Variants in EGF observed in about 807,000 individuals in gnomAD.
The protein encoded by EGF is epidermal growth factor.
EGF carries 95 observed loss-of-function variants against 143.8 expected under a neutral mutation model. That is an observed-to-expected ratio of 0.66 (90% CI 0.56 to 0.78). The LOEUF (loss-of-function observed/expected upper bound fraction) is 0.78, where lower values mean the gene tolerates loss of function less well. Ranked by LOEUF, EGF falls within the 30% of genes least tolerant of loss-of-function variation. EGF has a pLI of 0.00. For synonymous variants in EGF, 510 were observed against 510.5 expected, an observed-to-expected ratio of 1.00 and a Z score of 0.01; for missense variants, 1,320 against 1,470.9, an observed-to-expected ratio of 0.90 and a Z score of 1.68.
intron 11 of EGF, among the ~76,000 whole-genome samples, chr4:109,973,001 T>C (rs1385993907): frequency 6.6e-6 from 1 of 152,216 alleles, no homozygotes; most frequent in East Asian, 1.9e-4. Flanking sequence ...AGATGTTTAT[T>C]GAATGAATTA....
intron 10 of EGF, among the ~76,000 whole-genome samples, chr4:109,968,591 A>C (rs1746985274): frequency 6.6e-6 from 1 of 152,036 alleles, no homozygotes; most frequent in Non-Finnish European, 1.5e-5. Context: ...CTATCTCTCT[A>C]TCTATCTATA....
chr4:110,004,421 C>A, intron 21 of EGF, 84 bp from the exon 22 acceptor site: 1 of 1,105,162 alleles, frequency 9.0e-7, no homozygotes, highest in Non-Finnish European at 1.4e-6. Context: ...GTAGCAAAAG[C>A]AGTTAGTTGT....
At chr4:109,950,658 T>A (rs1743740050) in intron 5 of EGF, among the ~76,000 whole-genome samples, 1 of 152,156 alleles carries the variant, frequency 6.6e-6, no homozygotes, top group African/African-American at 2.4e-5. Flanking sequence ...TTGCAACCAT[T>A]CTCAAAGATG....
At chr4:109,980,733 C>A in intron 14 of EGF, 93 bp from the exon 15 acceptor site, 1 of 1,417,704 alleles carries the variant, frequency 7.1e-7, no homozygotes, top group Non-Finnish European at 1.0e-6. Flanking sequence ...TCCCTAAAAG[C>A]TATAGCTCCC....
intron 2 of EGF, among the ~76,000 whole-genome samples, chr4:109,942,504 T>C (rs1478235121): frequency 3.9e-5 from 6 of 152,232 alleles, no homozygotes; most frequent in Non-Finnish European, 8.8e-5. Context: ...GTCACCTGGG[T>C]AGCTGGACGT....
chr4:109,922,572 G>A (rs1348583749), intron 1 of EGF, among the ~76,000 whole-genome samples: 1 of 151,690 alleles, frequency 6.6e-6, no homozygotes, highest in Non-Finnish European at 1.5e-5. Context: ...TAAGCAGAGT[G>A]AATTCTGGTT....
At chr4:110,001,890 T>C (rs1752614441) in intron 21 of EGF, 7 of 985,448 alleles carry the variant, frequency 7.1e-6, no homozygotes, top group Non-Finnish European at 8.4e-6. Flanking sequence ...AGTGAATCTA[T>C]GGTTATTTAC....
Position 109,976,092 on chromosome 4 carries a change from C to A in EGF, c.1910C>A (p.Ala637Asp). 1 of 1,614,086 alleles carries A rather than the reference C, an allele frequency of 6.2e-7. No individual in the cohort carries two copies. The highest frequency in any genetic ancestry group is 1.7e-5 in the Admixed American group (1 of 60,024). ...SLQGLGRLVI[A>D]SSDLIWPSGI... The stretch of plus-strand genomic sequence containing the variant: ...CAAGGCCTTGGCCGTCTGGTTATAG[C>A]CAGCTCTGATCTAATCTGGCCCAGT... Residue 637 changes from alanine to aspartate, a missense_variant, in exon 13 of 24, where the codon GCC becomes GAC. Around this residue, in one of 5 missense-constraint regions of EGF, gnomAD observed 1,186 missense variants for 1,313.7 expected, o/e 0.90. Coordinates refer to ENST00000265171, the MANE Select transcript of EGF (RefSeq NM_001963.6).
intron 11 of EGF, among the ~76,000 whole-genome samples, chr4:109,971,108 G>C (rs1747580421): frequency 6.6e-6 from 1 of 152,092 alleles, no homozygotes; most frequent in African/African-American, 2.4e-5. Context: ...AATTGGAGAG[G>C]TAAAATAACT....
rs1201310826 is a variant in EGF, at chr4:109,959,356, G to A, written c.985G>A (p.Val329Met). The change falls in exon 6 of 24, where the codon GTG becomes ATG. Residue 329 changes from valine to methionine, a missense_variant. Val to Met is a conservative substitution (Grantham distance 21). This residue lies in a region of EGF where 1,186 missense variants were observed against 1,313.7 expected (regional missense o/e 0.90). Transcript: ENST00000265171. Reference protein sequence around the residue: ...KLRKGNCSSTVCGQDLQSHLC... With the variant: ...KLRKGNCSSTMCGQDLQSHLC... The stretch of plus-strand genomic sequence containing the variant: ...GAGGAAAGGAAACTGCAGCAGCACT[G>A]TGTGTGGGCAAGACCTCCAGTCACA... 6.2e-7 allele frequency: 1 copy of A among 1,613,438 alleles called. No individual in the cohort carries two copies. The highest frequency in any genetic ancestry group is 8.5e-7 in the Non-Finnish European group (1 of 1,179,948).
chr4:109,949,137 G>A (rs1217206913), intron 5 of EGF, among the ~76,000 whole-genome samples: 1 of 152,022 alleles, frequency 6.6e-6, no homozygotes, highest in Non-Finnish European at 1.5e-5. Flanking sequence ...CGTAATCTCA[G>A]CTCACTGCAA....
Position 109,974,740 on chromosome 4 carries a change from C to T in EGF, c.1762C>T (p.Arg588Cys), listed in dbSNP as rs758800260. ...TGGAAGGAGTGATTTAAATGGGAAA[C>T]GTTCCAAAATAATCACTAAGGAGAA... ...LIGRSDLNGK[R>C]SKIITKENIS... The change falls in exon 12 of 24, where the codon CGT becomes TGT. Residue 588 changes from arginine (R) to cysteine (C), a missense_variant. Physicochemically the swap from Arg to Cys is radical, Grantham distance 180 (BLOSUM62 -3). Transcript: ENST00000265171. The T allele has an allele frequency of 1.9e-5, 30 of 1,613,324 alleles. No individual in the cohort carries two copies. Among genetic ancestry groups the T allele is most frequent in the South Asian group, 5.5e-5 (5 of 91,068 alleles).
intron 5 of EGF, among the ~76,000 whole-genome samples, chr4:109,947,026 G>T (rs1451843255): frequency 2.6e-5 from 4 of 152,094 alleles, no homozygotes; most frequent in African/African-American, 9.7e-5. Flanking sequence ...GGCTGAGGCA[G>T]GAGGATCACT....
chr4:109,964,450 G>A lies in EGF; in HGVS notation c.1488G>A (p.Met496Ile), dbSNP rs780249764. The change falls in exon 10 of 24, where the codon ATG (methionine) becomes ATA (isoleucine). Residue 496 changes from methionine (M) to isoleucine (I), a missense_variant. Around this residue, in one of 5 missense-constraint regions of EGF, gnomAD observed 1,186 missense variants for 1,313.7 expected, o/e 0.90. Coordinates refer to ENST00000265171, the MANE Select transcript of EGF (RefSeq NM_001963.6). ...CCAATTCTCAAGATATTCGACACAT[G>A]CATTTTGATGGAACAGACTATGGAA... ...LFANSQDIRH[M>I]HFDGTDYGTL... 1.9e-6 allele frequency: 3 copies of A among 1,613,974 alleles called. No individual in the cohort carries two copies. The highest frequency in any genetic ancestry group is 1.1e-5 in the South Asian group (1 of 91,080).
intron 18 of EGF, among the ~76,000 whole-genome samples, chr4:109,991,382 G>T (rs1750915983): frequency 6.6e-6 from 1 of 152,160 alleles, no homozygotes; most frequent in African/African-American, 2.4e-5. Flanking sequence ...AAGTTGGACA[G>T]CAAAGTTCTA....
chr4:109,977,851 A>G (rs1422969877), intron 13 of EGF, among the ~76,000 whole-genome samples: 1 of 152,136 alleles, frequency 6.6e-6, no homozygotes, highest in Admixed American at 6.5e-5. Flanking sequence ...AAATACAAAA[A>G]CCAAAAAATA....
chr4:109,947,378 CT>C (rs74268366), intron 5 of EGF, among the ~76,000 whole-genome samples: 445 of 141,600 alleles, frequency 3.1e-3, no homozygotes, highest in Middle Eastern at 7.2e-3. Context: ...CTTCTACTTT[CT>C]TTTTTTTTTT....
chr4:109,980,222 G>T (rs771716284), intron 14 of EGF, 83 bp downstream of exon 14: 2 of 1,401,134 alleles, frequency 1.4e-6, no homozygotes, highest in Non-Finnish European at 1.9e-6. Flanking sequence ...CAGTTGGCGG[G>T]GGGGTGGAGG....
intron 18 of EGF, 66 bp from the exon 19 acceptor site, chr4:109,993,181 T>G: frequency 6.2e-7 from 1 of 1,606,144 alleles, no homozygotes; most frequent in Non-Finnish European, 8.5e-7. Context: ...CCAAAGGCTG[T>G]CCAACTATAA....
Sources: gnomAD v4.1 joint callset for allele counts (sites outside exome capture counted in the v4.1 genomes callset) on GRCh38, gnomAD v4.1.1 for gene constraint, gnomAD v4.1.1 regional missense constraint, MANE v1.5 for transcripts, NCBI Gene and HGNC (gene_info 2026-07-23, HGNC 2026-07-21) for gene names.